MALRD1: variants seen among roughly 807,000 people sequenced by gnomAD.
MALRD1 encodes the protein MAM and LDL-receptor class A domain-containing protein 1.
Under a neutral mutation model 242.1 loss-of-function variants are expected in MALRD1, and 247 were observed. The ratio of observed to expected loss-of-function variants is 1.02; its 90% confidence interval spans 0.92 to 1.13. The LOEUF is 1.13. MALRD1 is among the 50% of genes most tolerant of loss of function. The pLI is 0.00. For missense variants in MALRD1, 2,989 were observed against 2,533.1 expected (o/e 1.18, Z -3.86); for synonymous variants, 995 against 866.6 (o/e 1.15, Z -2.60).
chr10:19,123,529 G>A lies in MALRD1; in HGVS notation c.732G>A (p.Glu244=). The part of the protein sequence containing the change: ...ILLCQEALNA[E]RELCHPDTDL... ...TGTGTCAAGAAGCATTGAATGCTGAGCGGGAGCTATGCCATCCAGATACAG... is the reference window on the plus strand; with the variant it reads ...TGTGTCAAGAAGCATTGAATGCTGAACGGGAGCTATGCCATCCAGATACAG... The change falls in exon 6 of 40, where the codon GAG becomes GAA. Residue 244 remains glutamate (E), a synonymous_variant. Transcript: ENST00000454679. 1 of 1,233,822 alleles carries A rather than the reference G, an allele frequency of 8.1e-7. No individual in the cohort carries two copies. The highest frequency in any genetic ancestry group is 1.0e-6 in the Non-Finnish European group (1 of 988,062). The allele number at this position is 1,233,822 out of a possible 1,614,324, so 76.4% of individuals were successfully genotyped here. A position where few individuals can be genotyped will look rare whatever the true frequency, so the allele number is the denominator to read the frequency against.
chr10:19,690,701 C>G (rs1329621961), intron 36 of MALRD1, among the ~76,000 whole-genome samples: 1 of 151,750 alleles, frequency 6.6e-6, no homozygotes, highest in Non-Finnish European at 1.5e-5. Context: ...CACCAGTACT[C>G]TATTTGTTCA....
At chr10:19,106,244 G>T (rs978471155) in intron 5 of MALRD1, among the ~76,000 whole-genome samples, 2 of 151,764 alleles carry the variant, frequency 1.3e-5, no homozygotes, top group African/African-American at 4.8e-5. Flanking sequence ...ACATATGAGT[G>T]AGAGGTTGTT....
intron 33 of MALRD1, among the ~76,000 whole-genome samples, chr10:19,581,505 T>C (rs889482030): frequency 6.6e-6 from 1 of 151,616 alleles, no homozygotes; most frequent in Non-Finnish European, 1.5e-5. Flanking sequence ...TTACTGAGAA[T>C]GATGATTTCC....
In MALRD1 at chr10:19,084,316, T is replaced by A. The variant is rs539079477; in HGVS notation, c.341-3524T>A. Among the ~76,000 whole-genome samples the A allele has an allele frequency of 7.9e-5, 12 of 152,086 alleles. 1 individual carries two copies. The South Asian group carries it at 2.5e-3, about 32-fold the overall frequency. On this transcript the variant is annotated intron_variant, in intron 2 of 39. Transcript: ENST00000454679. ...TCTATTATCCGAACTAAACTATGTG[T>A]TTGTCAGAAATTAGTGCACTTTCAT... is the stretch of plus-strand genomic sequence containing the variant.
In MALRD1 at chr10:19,498,672, C is replaced by G. The variant is rs958750453; in HGVS notation, c.5320+26C>G. 8.5e-6 allele frequency: 13 copies of G among 1,532,880 alleles called. No homozygotes were observed. The African/African-American group carries it at 1.8e-4, about 21-fold the overall frequency. 95.0% of individuals were successfully genotyped at this position (1,532,880 alleles called of 1,614,324 possible). ...GTAAATCTAGTAGCCATCCCCAGACCAAGAAACCCACTCATCTTAAAGTCT... is the reference window on the plus strand; with the variant it reads ...GTAAATCTAGTAGCCATCCCCAGACGAAGAAACCCACTCATCTTAAAGTCT... On this transcript the variant is annotated intron_variant, in intron 31 of 39. Coordinates refer to ENST00000454679, the MANE Select transcript of MALRD1 (RefSeq NM_001142308.3).
At chr10:19,439,756 T>A (rs897094365) in intron 28 of MALRD1, among the ~76,000 whole-genome samples, 14 of 152,278 alleles carry the variant, frequency 9.2e-5, no homozygotes, top group African/African-American at 1.9e-4. Flanking sequence ...GTTTTGAATG[T>A]GTCATATTTT....
At chr10:19,275,836 G>T (rs1174739791) in intron 19 of MALRD1, among the ~76,000 whole-genome samples, 3 of 152,018 alleles carry the variant, frequency 2.0e-5, no homozygotes, top group African/African-American at 7.3e-5. Flanking sequence ...GTGTATTAAG[G>T]TAAGATGATT....
At chr10:19,716,286 G>A (rs1331928544) in intron 38 of MALRD1, among the ~76,000 whole-genome samples, 1 of 152,144 alleles carries the variant, frequency 6.6e-6, no homozygotes, top group African/African-American at 2.4e-5. Flanking sequence ...GAGCCTGCTG[G>A]GAGGTGATTG....
intron 2 of MALRD1, among the ~76,000 whole-genome samples, chr10:19,074,326 A>C (rs1461576675): frequency 6.6e-6 from 1 of 152,064 alleles, no homozygotes; most frequent in Non-Finnish European, 1.5e-5. Context: ...TTTGGTGCTT[A>C]ATGATTCCTT....
At chr10:19,655,530 GTA>G (rs56752723) in intron 36 of MALRD1, among the ~76,000 whole-genome samples, 8,164 of 107,822 alleles carry the variant, frequency 0.076, 237 homozygotes, top group Non-Finnish European at 0.094. Flanking sequence ...ATGTGTGAGT[GTA>G]TATATATATA....
intron 5 of MALRD1, among the ~76,000 whole-genome samples, chr10:19,119,097 T>C (rs1564403410): frequency 6.6e-6 from 1 of 152,148 alleles, no homozygotes; most frequent in Non-Finnish European, 1.5e-5. Context: ...ATGTGTTTTA[T>C]TGATAATGCA....
At chr10:19,346,488 G>A (rs999580043) in intron 24 of MALRD1, among the ~76,000 whole-genome samples, 4 of 151,930 alleles carry the variant, frequency 2.6e-5, no homozygotes, top group Non-Finnish European at 5.9e-5. Context: ...TGCTACCCTA[G>A]GTTCTTTTCA....
At chr10:19,279,043 A>C (rs961365995) in intron 19 of MALRD1, among the ~76,000 whole-genome samples, 1 of 152,136 alleles carries the variant, frequency 6.6e-6, no homozygotes, top group South Asian at 2.1e-4. Context: ...AGGATTCACC[A>C]CTAGGCCCAG....
chr10:19,464,352 T>C (rs1031206106), intron 29 of MALRD1, among the ~76,000 whole-genome samples: 2 of 152,204 alleles, frequency 1.3e-5, no homozygotes, highest in African/African-American at 4.8e-5. Flanking sequence ...GGTCTTAGAT[T>C]TAAGTCCTTG....
At chr10:19,284,127 A>C (rs1009972196) in intron 21 of MALRD1, among the ~76,000 whole-genome samples, 2 of 152,318 alleles carry the variant, frequency 1.3e-5, no homozygotes, top group Middle Eastern at 3.4e-3. Context: ...AGACTACATA[A>C]CAAATGTAAT....
chr10:19,492,278 A>G (rs117028252), intron 30 of MALRD1, among the ~76,000 whole-genome samples: 1 of 151,990 alleles, frequency 6.6e-6, no homozygotes, highest in African/African-American at 2.4e-5. Context: ...TTTTCCATTT[A>G]TCTTATCTTT....
chr10:19,304,498 G>A (rs1842086427), intron 21 of MALRD1, among the ~76,000 whole-genome samples: 1 of 151,646 alleles, frequency 6.6e-6, no homozygotes, highest in African/African-American at 2.4e-5. Context: ...CTTAGCGCTT[G>A]CATTAAGTTG....
At chr10:19,242,949 T>G (rs1210884295) in intron 18 of MALRD1, among the ~76,000 whole-genome samples, 2 of 152,022 alleles carry the variant, frequency 1.3e-5, no homozygotes, top group African/African-American at 4.8e-5. Flanking sequence ...AATTAGGACT[T>G]CCTTCTACCA....
intron 13 of MALRD1, among the ~76,000 whole-genome samples, chr10:19,173,086 C>T (rs1344550504): frequency 6.6e-6 from 1 of 151,960 alleles, no homozygotes; most frequent in Non-Finnish European, 1.5e-5. Context: ...TTATCACCCA[C>T]CATAGATTTT....
Sources: gnomAD v4.1 joint callset for allele counts (sites outside exome capture counted in the v4.1 genomes callset) on GRCh38, gnomAD v4.1.1 for gene constraint, MANE v1.5 for transcripts, NCBI Gene and HGNC (gene_info 2026-07-23, HGNC 2026-07-21) for gene names.